Variants in NFAM1 observed in about 807,000 individuals in gnomAD.
NFAM1 encodes the protein NFAT activating protein with ITAM motif 1.
Under a neutral mutation model 29.0 loss-of-function variants are expected in NFAM1, and 17 were observed. That is an observed-to-expected ratio of 0.59 (90% CI 0.40 to 0.88). The LOEUF is 0.88. Ranked by LOEUF, NFAM1 falls within the 40% of genes least tolerant of loss-of-function variation. The pLI is 0.00. For synonymous variants in NFAM1, 175 were observed against 147.2 expected (o/e 1.19, Z -1.36); for missense variants, 324 against 344.6 (o/e 0.94, Z 0.47).
At position 42,419,989 on chromosome 22, in the gene NFAM1, G is replaced by GTTTTTTTTTTTTTTTTTTTTT. The variant is rs1491236869; in HGVS notation, c.122-8254_122-8253insAAAAAAAAAAAAAAAAAAAAA. Among the ~76,000 whole-genome samples, 13 of 56,548 alleles carry GTTTTTTTTTTTTTTTTTTTTT rather than the reference G, an allele frequency of 2.3e-4. 6 individuals carry two copies. Among genetic ancestry groups the GTTTTTTTTTTTTTTTTTTTTT allele is most frequent in the African/African-American group, 4.5e-4 (6 of 13,478 alleles). The allele number at this position is 56,548 out of a possible 152,430, so 37.1% of individuals were successfully genotyped here. ...CCTTTGAGTCTGTAATCCCACTCTT[G>GTTTTTTTTTTTTTTTTTTTTT]GTTTTTTTTTTTTTTTTTTTTTTTT... is the stretch of plus-strand genomic sequence containing the variant. On this transcript the variant is annotated intron_variant, in intron 1 of 5. Coordinates refer to ENST00000329021, the MANE Select transcript of NFAM1 (RefSeq NM_145912.8). The surrounding 1 kb of genome is among the most constrained non-coding windows in gnomAD (Gnocchi z 4.5).
chr22:42,411,832 T>G (rs1409539141), intron 1 of NFAM1, 96 bp from the exon 2 acceptor site: 3 of 792,158 alleles, frequency 3.8e-6, no homozygotes, highest in Non-Finnish European at 6.3e-6. Context: ...GTGCGGTGGC[T>G]CACACCTGTA....
rs767203917 is a variant in NFAM1, at chr22:42,411,714, G to A, written c.144C>T (p.Thr48=). ...RLAGGQSVTH[T]GLPIMASLAN... Reference sequence around the variant, plus strand: ...CCAGGGAGGCCATGATGGGCAGGCCGGTGTGGGTCACTGACTGTCCTCCTG... The same window carrying A: ...CCAGGGAGGCCATGATGGGCAGGCCAGTGTGGGTCACTGACTGTCCTCCTG... The change falls in exon 2 of 6, where the codon ACC becomes ACT. Residue 48 remains threonine, a synonymous_variant. Transcript: ENST00000329021. 48 of 1,613,676 alleles carry A rather than the reference G, an allele frequency of 3.0e-5. No homozygotes were observed. Among genetic ancestry groups the A allele is most frequent in the South Asian group, 2.7e-4 (25 of 91,066 alleles).
intron 1 of NFAM1, among the ~76,000 whole-genome samples, chr22:42,422,924 T>A (rs1930495071): frequency 6.6e-6 from 1 of 151,570 alleles, no homozygotes; most frequent in African/African-American, 2.4e-5. Context: ...ACCAGCGTGG[T>A]CAAGATGGTG....
intron 3 of NFAM1, among the ~76,000 whole-genome samples, chr22:42,407,220 G>A (rs941238585): frequency 1.3e-5 from 2 of 150,794 alleles, no homozygotes; most frequent in African/African-American, 2.4e-5. Flanking sequence ...TAGCTGGGAT[G>A]ACAAGCATGT....
chr22:42,387,531 T>G (rs1358452635), intron 4 of NFAM1, among the ~76,000 whole-genome samples: 1 of 31,960 alleles, frequency 3.1e-5, no homozygotes, highest in African/African-American at 1.3e-4. Context: ...CCCCGGCCCC[T>G]GTGAGGGTCC....
chr22:42,387,055 C>CCCG lies in NFAM1; in HGVS notation c.686_687insCGG (p.Glu229delinsAspGly). ...CCTCATTCTCGATGCAGGCATAGACCTCGGTCTCGCGGCGCTGCAGAGCCT... is the reference window on the plus strand; with the variant it reads ...CCTCATTCTCGATGCAGGCATAGACCCCGTCGGTCTCGCGGCGCTGCAGAGCCT... On this transcript the variant is annotated protein_altering_variant, in exon 5 of 6. Transcript: ENST00000329021. 6.3e-7 allele frequency: 1 copy of CCCG among 1,587,298 alleles called. No individual in the cohort carries two copies. The highest frequency in any genetic ancestry group is 8.6e-7 in the Non-Finnish European group (1 of 1,167,288).
chr22:42,413,571 T>C (rs922759912), intron 1 of NFAM1, among the ~76,000 whole-genome samples: 1 of 151,488 alleles, frequency 6.6e-6, no homozygotes, highest in East Asian at 1.9e-4. Flanking sequence ...AGGCCTGGAG[T>C]TCGAGACCAG....
intron 1 of NFAM1, among the ~76,000 whole-genome samples, chr22:42,430,126 T>C (rs1930748592): frequency 6.6e-6 from 1 of 151,168 alleles, no homozygotes; most frequent in African/African-American, 2.4e-5. Context: ...TAGCTGGGTG[T>C]GGTGGCACAC....
chr22:42,422,522 T>A (rs539404780), intron 1 of NFAM1, among the ~76,000 whole-genome samples: 143 of 152,136 alleles, frequency 9.4e-4, no homozygotes, highest in African/African-American at 3.3e-3. Context: ...GGAGAATCGC[T>A]TGAACCCGGG....
At chr22:42,406,482 C>T (rs1929901833) in intron 3 of NFAM1, among the ~76,000 whole-genome samples, 1 of 152,222 alleles carries the variant, frequency 6.6e-6, no homozygotes, top group South Asian at 2.1e-4. Context: ...TCTCTGTGAG[C>T]TCAGGCTACA....
At chr22:42,410,653 T>C (rs1211407767) in intron 2 of NFAM1, among the ~76,000 whole-genome samples, 1 of 128,158 alleles carries the variant, frequency 7.8e-6, no homozygotes, top group Non-Finnish European at 1.6e-5. Context: ...AGCGAGACTC[T>C]GTCTCAAAAA....
At chr22:42,418,652 T>G (rs1013588886) in intron 1 of NFAM1, among the ~76,000 whole-genome samples, 3 of 151,182 alleles carry the variant, frequency 2.0e-5, no homozygotes, top group Admixed American at 6.6e-5. Flanking sequence ...GAGATCGCAC[T>G]GCTACACTCC....
chr22:42,397,156 C>A (rs1295320067), intron 4 of NFAM1, among the ~76,000 whole-genome samples: 1 of 152,194 alleles, frequency 6.6e-6, no homozygotes, highest in Non-Finnish European at 1.5e-5. Context: ...GTGTTCCCAG[C>A]CCTCCCCGGC....
intron 4 of NFAM1, among the ~76,000 whole-genome samples, chr22:42,397,320 G>A (rs950544554): frequency 1.3e-5 from 2 of 152,184 alleles, no homozygotes; most frequent in Admixed American, 1.3e-4. Flanking sequence ...CAACACAGCA[G>A]AGAGTGGAAC....
At position 42,388,166 on chromosome 22, in the gene NFAM1, G is replaced by A. The variant is rs1487245605; in HGVS notation, c.664-1088C>T. Among the ~76,000 whole-genome samples, 3 of 152,152 alleles carry A rather than the reference G, an allele frequency of 2.0e-5. No homozygotes were observed. The highest frequency in any genetic ancestry group is 1.9e-4 in the East Asian group (1 of 5,188). On this transcript the variant is annotated intron_variant, in intron 4 of 5. Transcript: ENST00000329021. The surrounding 1 kb of genome is among the most constrained non-coding windows in gnomAD (Gnocchi z 4.1). Reference sequence around the variant, plus strand: ...AGACCTCAGGATGGTAGAAAGAACCGGGGCTTTAAAGTCAGACAAGAGTAG... The same window carrying A: ...AGACCTCAGGATGGTAGAAAGAACCAGGGCTTTAAAGTCAGACAAGAGTAG...
At chr22:42,390,838 A>C in intron 4 of NFAM1, among the ~76,000 whole-genome samples, 1 of 139,734 alleles carries the variant, frequency 7.2e-6, no homozygotes, top group South Asian at 2.3e-4. Flanking sequence ...AAAAAAAAAG[A>C]GGGAGCAGCC....
upstream of NFAM1, among the ~76,000 whole-genome samples, chr22:42,432,736 C>A (rs1236690628): frequency 6.6e-6 from 1 of 152,196 alleles, no homozygotes; most frequent in Non-Finnish European, 1.5e-5. Context: ...TTCTGAAACA[C>A]TTTTAAAACG....
At position 42,386,396 on chromosome 22, in the gene NFAM1, A is replaced by ACACACACAC. The variant is rs1555968132; in HGVS notation, c.753+592_753+593insGTGTGTGTG. ...CTCAAAACAAAAACAAAAACAAACA[A>ACACACACAC]ACACACACACACACACACACACACA... On this transcript the variant is annotated intron_variant, in intron 5 of 5. Coordinates refer to ENST00000329021, the MANE Select transcript of NFAM1 (RefSeq NM_145912.8). 6.9e-3 allele frequency among the ~76,000 whole-genome samples: 864 copies of ACACACACAC among 125,264 alleles called. 15 individuals are homozygous for ACACACACAC. The highest frequency in any genetic ancestry group is 0.024 in the African/African-American group (840 of 34,626). 82.2% of individuals were successfully genotyped at this position (125,264 alleles called of 152,430 possible).
intron 4 of NFAM1, among the ~76,000 whole-genome samples, chr22:42,392,409 C>A (rs1246044808): frequency 3.3e-5 from 5 of 151,826 alleles, no homozygotes; most frequent in African/African-American, 7.3e-5. Context: ...TCAATGGTGA[C>A]CCTGAGAAGG....
Sources: allele counts gnomAD v4.1 joint callset (sites outside exome capture counted in the v4.1 genomes callset), GRCh38; gene constraint gnomAD v4.1.1; non-coding constraint Gnocchi (gnomAD v3.1); transcripts MANE v1.5; gene names NCBI Gene and HGNC (gene_info 2026-07-23, HGNC 2026-07-21).